The following PTPRT variants were observed in gnomAD, a reference collection of about 807,000 sequenced individuals.
PTPRT encodes the protein protein tyrosine phosphatase receptor type T, also known as receptor-type tyrosine-protein phosphatase T.
PTPRT carries 56 observed loss-of-function variants against 176.8 expected under a neutral mutation model. The ratio of observed to expected loss-of-function variants is 0.32; its 90% CI spans 0.26 to 0.40. PTPRT has a LOEUF of 0.40. Among genes scored for constraint, PTPRT ranks in the 10% least tolerant of loss-of-function variants. The probability of loss-of-function intolerance (pLI) is 1.00; values close to 1 mark genes in which losing one functional copy is unlikely to be tolerated. For synonymous variants in PTPRT, 783 were observed against 739.0 expected (o/e 1.06, Z -0.96); for missense variants, 1,540 against 1,908.2 (o/e 0.81, Z 3.60).
intron 1 of PTPRT, among the ~76,000 whole-genome samples, chr20:43,049,021 C>T (rs1264816943): frequency 6.6e-6 from 1 of 152,176 alleles, no homozygotes; most frequent in Admixed American, 6.5e-5. Context: ...GATAACCTGA[C>T]AGCTAAACAA....
intron 1 of PTPRT, among the ~76,000 whole-genome samples, chr20:43,176,720 G>C (rs528486343): frequency 6.6e-6 from 1 of 152,280 alleles, no homozygotes; most frequent in East Asian, 1.9e-4. Flanking sequence ...TTCCACAGAA[G>C]AACATGTGGA....
chr20:42,102,400 C>G, intron 25 of PTPRT, 103 bp from the exon 26 acceptor site: 1 of 1,251,030 alleles, frequency 8.0e-7, no homozygotes, highest in East Asian at 2.5e-5. Context: ...TATTTCCACC[C>G]TCTAAGCGCA....
intron 7 of PTPRT, among the ~76,000 whole-genome samples, chr20:42,639,643 C>T (rs2074692382): frequency 6.6e-6 from 1 of 152,146 alleles, no homozygotes; most frequent in South Asian, 2.1e-4. Context: ...CCACAGTCTT[C>T]TGGGCTTTCC....
intron 7 of PTPRT, among the ~76,000 whole-genome samples, chr20:42,561,211 C>G (rs2072946301): frequency 6.6e-6 from 1 of 152,180 alleles, no homozygotes; most frequent in Admixed American, 6.5e-5. Flanking sequence ...TGCCAGTTTC[C>G]TTAGAGGCTA....
intron 6 of PTPRT, among the ~76,000 whole-genome samples, chr20:42,699,868 C>T (rs1441879725): frequency 6.6e-6 from 1 of 151,882 alleles, no homozygotes; most frequent in African/African-American, 2.4e-5. Flanking sequence ...AAGCAATTGA[C>T]AAAAAAAGTA....
intron 9 of PTPRT, among the ~76,000 whole-genome samples, chr20:42,437,560 T>C (rs1171433576): frequency 6.6e-6 from 1 of 152,220 alleles, no homozygotes; most frequent in East Asian, 1.9e-4. Context: ...GGTATGTATG[T>C]ATGTATGTAC....
At chr20:42,823,911 A>T (rs555181413) in intron 2 of PTPRT, among the ~76,000 whole-genome samples, 50 of 149,664 alleles carry the variant, frequency 3.3e-4, no homozygotes, top group East Asian at 1.4e-3. Context: ...AGTACTGATT[A>T]AAAAAAAAAG....
intron 12 of PTPRT, among the ~76,000 whole-genome samples, chr20:42,303,238 A>T (rs1283725429): frequency 6.6e-6 from 1 of 152,200 alleles, no homozygotes; most frequent in Non-Finnish European, 1.5e-5. Flanking sequence ...AAAGTCTTTG[A>T]AATTCTCAGG....
intron 6 of PTPRT, among the ~76,000 whole-genome samples, chr20:42,717,867 C>CTGTGTGTGTG (rs72024227): frequency 2.0e-5 from 3 of 150,236 alleles, no homozygotes; most frequent in Middle Eastern, 3.4e-3. Flanking sequence ...TCAAGATCAC[C>CTGTGTGTGTG]TGTGTGTGTG....
chr20:42,139,853 C>T, intron 18 of PTPRT, among the ~76,000 whole-genome samples: 1 of 152,266 alleles, frequency 6.6e-6, no homozygotes, highest in East Asian at 1.9e-4. Context: ...AGCAGGAGCT[C>T]CACCTCCCAG....
intron 2 of PTPRT, among the ~76,000 whole-genome samples, chr20:42,833,272 GA>G (rs5841475): frequency 6.1e-4 from 82 of 134,770 alleles, no homozygotes; most frequent in South Asian, 1.4e-3. Flanking sequence ...GAAATTAAAA[GA>G]AAAAAAAAAA....
At chr20:43,054,033 C>T (rs1459532365) in intron 1 of PTPRT, among the ~76,000 whole-genome samples, 2 of 152,176 alleles carry the variant, frequency 1.3e-5, no homozygotes, top group African/African-American at 4.8e-5. Flanking sequence ...GGGACAAAAT[C>T]AAACTCCAGA....
chr20:42,182,907 G>GGTAT (rs1990581592), intron 16 of PTPRT, among the ~76,000 whole-genome samples: 1 of 144,606 alleles, frequency 6.9e-6, no homozygotes, highest in Non-Finnish European at 1.5e-5. Context: ...TACAAGCAGG[G>GGTAT]GTGTGTGTGT....
intron 1 of PTPRT, among the ~76,000 whole-genome samples, chr20:43,047,776 G>C (rs1050345740): frequency 6.6e-6 from 1 of 152,150 alleles, no homozygotes; most frequent in Admixed American, 6.5e-5. Flanking sequence ...GCCAGGTAGA[G>C]CTCTGCAATA....
At chr20:42,826,276 T>C (rs1600797816) in intron 2 of PTPRT, among the ~76,000 whole-genome samples, 1 of 152,192 alleles carries the variant, frequency 6.6e-6, no homozygotes, top group Non-Finnish European at 1.5e-5. Flanking sequence ...AGGCTTATCT[T>C]TGGAAAAATT....
At position 42,201,950 on chromosome 20, in the gene PTPRT, CGTGTGT is replaced by C. The variant is rs11468258; in HGVS notation, c.2343-2568_2343-2563del. Among the ~76,000 whole-genome samples, 218 of 143,214 alleles carry C rather than the reference CGTGTGT, an allele frequency of 1.5e-3. 2 individuals are homozygous for C. Among genetic ancestry groups the C allele is most frequent in the African/African-American group, 4.3e-3 (166 of 38,310 alleles). 94.0% of individuals were successfully genotyped at this position (143,214 alleles called of 152,430 possible). ...ATCCCAACCAAGAAGAGAAAAGTTGCGTGTGTGTGTGTGTGTGTGTGTGTGTGTATG... is the reference window on the plus strand; with the variant it reads ...ATCCCAACCAAGAAGAGAAAAGTTGCGTGTGTGTGTGTGTGTGTGTGTATG... On this transcript the variant is annotated intron_variant, in intron 15 of 30. Transcript: ENST00000373187.
intron 1 of PTPRT, among the ~76,000 whole-genome samples, chr20:43,025,756 G>A (rs1985882999): frequency 6.6e-6 from 1 of 152,176 alleles, no homozygotes; most frequent in Non-Finnish European, 1.5e-5. Context: ...TCTTCTGGCA[G>A]AATTCAAATT....
intron 1 of PTPRT, among the ~76,000 whole-genome samples, chr20:43,140,904 T>G (rs2013983671): frequency 6.6e-6 from 1 of 152,208 alleles, no homozygotes; most frequent in African/African-American, 2.4e-5. Context: ...TCTTGGATCA[T>G]GAATTCTCAG....
intron 1 of PTPRT, 140 bp from the exon 2 acceptor site, chr20:42,886,072 A>AT (rs1474148058): frequency 5.8e-4 from 188 of 324,328 alleles, no homozygotes; most frequent in Middle Eastern, 1.3e-3. Context: ...TATATATATA[A>AT]AAGATGAGCA....
Sources: gnomAD v4.1 joint callset for allele counts (sites outside exome capture counted in the v4.1 genomes callset) on GRCh38, gnomAD v4.1.1 for gene constraint, MANE v1.5 for transcripts, NCBI Gene and HGNC (gene_info 2026-07-23, HGNC 2026-07-21) for gene names.